The following CNTNAP5 variants were observed in gnomAD, a reference collection of about 807,000 sequenced individuals.
CNTNAP5 encodes contactin-associated protein-like 5.
CNTNAP5 carries 72 observed loss-of-function variants against 150.2 expected under a neutral mutation model. That is an observed-to-expected ratio of 0.48 (90% confidence interval 0.40 to 0.58). The LOEUF (loss-of-function observed/expected upper bound fraction) is 0.58. CNTNAP5 is among the 20% of genes least tolerant of loss of function. The pLI, the probability that CNTNAP5 is intolerant of heterozygous loss-of-function variation, is 0.00. For missense variants in CNTNAP5, 1,636 were observed against 1,626.2 expected (o/e 1.01, Z -0.10); for synonymous variants, 672 against 619.8 (o/e 1.08, Z -1.25).
intron 22 of CNTNAP5, among the ~76,000 whole-genome samples, chr2:124,911,177 G>A (rs1678646028): frequency 6.6e-6 from 1 of 151,916 alleles, no homozygotes; most frequent in Non-Finnish European, 1.5e-5. Context: ...GGGACATTAG[G>A]AGCAGGGTGA....
At chr2:124,494,888 A>G (rs1354974882) in intron 7 of CNTNAP5, among the ~76,000 whole-genome samples, 3 of 152,238 alleles carry the variant, frequency 2.0e-5, no homozygotes, top group Non-Finnish European at 4.4e-5. Context: ...CACATACAGA[A>G]AACTGTTTAA....
intron 13 of CNTNAP5, among the ~76,000 whole-genome samples, chr2:124,719,378 T>C (rs964911103): frequency 2.6e-5 from 4 of 152,150 alleles, no homozygotes; most frequent in Non-Finnish European, 5.9e-5. Context: ...GGAAAATGAA[T>C]GAAATCAAAG....
chr2:124,916,677 C>T lies in CNTNAP5; in HGVS notation c.*2389C>T, dbSNP rs1322576240. ...CTAAGTATATATGCTTGTAGATTGT[C>T]CTGTAGGATGAAGAATCTGTGAAGC... On this transcript the variant is annotated 3_prime_UTR_variant, in exon 24 of 24. Coordinates refer to ENST00000682447, the MANE Select transcript of CNTNAP5 (RefSeq NM_001367498.1). 1.3e-5 allele frequency among the ~76,000 whole-genome samples: 2 copies of T among 151,932 alleles called. No homozygotes were observed. Among genetic ancestry groups the T allele is most frequent in the Non-Finnish European group, 2.9e-5 (2 of 67,952 alleles).
chr2:124,601,182 T>C (rs115877693), intron 11 of CNTNAP5, among the ~76,000 whole-genome samples: 3,132 of 152,264 alleles, frequency 0.021, 64 homozygotes, highest in Non-Finnish European at 0.031. Flanking sequence ...AAGAAGGTTG[T>C]ACCATATTGA....
chr2:124,584,523 C>T (rs997180063), intron 11 of CNTNAP5, among the ~76,000 whole-genome samples: 13 of 152,120 alleles, frequency 8.5e-5, no homozygotes, highest in African/African-American at 2.9e-4. Context: ...TTCCTCAAAC[C>T]TCATGTGAAC....
At chr2:124,313,761 T>A (rs977037753) in intron 3 of CNTNAP5, among the ~76,000 whole-genome samples, 1 of 151,920 alleles carries the variant, frequency 6.6e-6, no homozygotes. Context: ...CCATGGAGAG[T>A]AATGTGGAAT....
chr2:124,084,451 G>T (rs569429710), intron 1 of CNTNAP5, among the ~76,000 whole-genome samples: 1 of 151,874 alleles, frequency 6.6e-6, no homozygotes, highest in Non-Finnish European at 1.5e-5. Flanking sequence ...ATTTTCGGTA[G>T]ACATGGGGTT....
At chr2:124,376,418 G>A (rs1053693803) in intron 3 of CNTNAP5, among the ~76,000 whole-genome samples, 1 of 152,040 alleles carries the variant, frequency 6.6e-6, no homozygotes, top group Non-Finnish European at 1.5e-5. Flanking sequence ...AGTTTCATTT[G>A]GGTAAGTGGA....
intron 13 of CNTNAP5, among the ~76,000 whole-genome samples, chr2:124,669,167 G>A (rs749984701): frequency 1.1e-4 from 16 of 152,122 alleles, no homozygotes; most frequent in Non-Finnish European, 2.4e-4. Flanking sequence ...AAGATGTTAT[G>A]CAAATGGTAT....
At chr2:124,886,424 C>A (rs1678081017) in intron 21 of CNTNAP5, among the ~76,000 whole-genome samples, 1 of 152,046 alleles carries the variant, frequency 6.6e-6, no homozygotes, top group South Asian at 2.1e-4. Flanking sequence ...ATGTCAGAGA[C>A]TGCCAGATGA....
chr2:124,813,126 G>A (rs1682274251), intron 19 of CNTNAP5, among the ~76,000 whole-genome samples: 2 of 151,858 alleles, frequency 1.3e-5, no homozygotes, highest in Admixed American at 6.6e-5. Context: ...GCCCAGGCTG[G>A]AGTGCAGTGG....
At chr2:124,735,371 G>T (rs1680359795) in intron 13 of CNTNAP5, among the ~76,000 whole-genome samples, 1 of 151,690 alleles carries the variant, frequency 6.6e-6, no homozygotes, top group Admixed American at 6.6e-5. Context: ...TAGAGGTTTA[G>T]GCCAATTAGA....
chr2:124,246,927 T>C (rs968954159), intron 3 of CNTNAP5, among the ~76,000 whole-genome samples: 1 of 152,166 alleles, frequency 6.6e-6, no homozygotes, highest in Non-Finnish European at 1.5e-5. Context: ...TAGTCCTTTA[T>C]TATAGACGCT....
chr2:124,797,587 T>C lies in CNTNAP5; in HGVS notation c.2993-509T>C, dbSNP rs7559203. On this transcript the variant is annotated intron_variant, in intron 18 of 23. Transcript: ENST00000682447. ...TGTTCTTCATGATTTACCAACATCA[T>C]AGAGAATTACTGCTGCTCACCCCAA... 6.6e-3 allele frequency among the ~76,000 whole-genome samples: 1,006 copies of C among 152,344 alleles called. 53 individuals carry two copies. The highest frequency in any genetic ancestry group is 0.06 in the Admixed American group (914 of 15,308).
chr2:124,147,250 G>C (rs1466030016), intron 1 of CNTNAP5, among the ~76,000 whole-genome samples: 1 of 152,108 alleles, frequency 6.6e-6, no homozygotes, highest in South Asian at 2.1e-4. Context: ...GGCAAGGTTT[G>C]TTTTCAGTTT....
At chr2:124,067,688 A>G (rs1244282005) in intron 1 of CNTNAP5, among the ~76,000 whole-genome samples, 1 of 152,172 alleles carries the variant, frequency 6.6e-6, no homozygotes, top group Non-Finnish European at 1.5e-5. Context: ...ACATAATTTC[A>G]ACTATACTTT....
At chr2:124,441,524 A>C (rs1247703043) in intron 5 of CNTNAP5, among the ~76,000 whole-genome samples, 1 of 152,030 alleles carries the variant, frequency 6.6e-6, no homozygotes, top group African/African-American at 2.4e-5. Context: ...GTATAGTCTA[A>C]TTATTGAGTA....
intron 3 of CNTNAP5, among the ~76,000 whole-genome samples, chr2:124,372,041 T>C (rs1045922638): frequency 8.6e-5 from 13 of 152,026 alleles, no homozygotes; most frequent in African/African-American, 3.1e-4. Context: ...GGAATCACCC[T>C]AAACCTGGAT....
intron 1 of CNTNAP5, among the ~76,000 whole-genome samples, chr2:124,168,306 C>T (rs898825157): frequency 1.3e-5 from 2 of 152,116 alleles, no homozygotes; most frequent in African/African-American, 4.8e-5. Context: ...AGAGTCTGCC[C>T]GGACGTTGGA....
Sources: gnomAD v4.1 joint callset for allele counts (sites outside exome capture counted in the v4.1 genomes callset) on GRCh38, gnomAD v4.1.1 for gene constraint, MANE v1.5 for transcripts, NCBI Gene and HGNC (gene_info 2026-07-23, HGNC 2026-07-21) for gene names.